Variants in KCNK13 observed in about 807,000 individuals in gnomAD.
KCNK13 encodes the protein potassium two pore domain channel subfamily K member 13.
Under a neutral mutation model 23.4 loss-of-function variants are expected in KCNK13, and 12 were observed. The ratio of observed to expected loss-of-function variants is 0.51; its 90% CI spans 0.33 to 0.83. KCNK13 has a LOEUF of 0.83. KCNK13 is among the 40% of genes least tolerant of loss of function. KCNK13 has a pLI of 0.02. For missense variants in KCNK13, 463 were observed against 556.3 expected, an observed-to-expected ratio of 0.83 and a Z score of 1.69; for synonymous variants, 231 against 229.5, an observed-to-expected ratio of 1.01 and a Z score of -0.06.
chr14:90,116,740 CTG>C lies in KCNK13; in HGVS notation c.334+54205_334+54206del, dbSNP rs150689718. ...GGTGAATGCAGCATACCCCACGGGT[CTG>C]TGTCACAACTGCTCAGGAAATCCCC... On this transcript the variant is annotated intron_variant, in intron 1 of 1. Coordinates refer to ENST00000282146, the MANE Select transcript of KCNK13 (RefSeq NM_022054.4). Among the ~76,000 whole-genome samples, 664 of 152,328 alleles carry C rather than the reference CTG, an allele frequency of 4.4e-3. 5 individuals are homozygous for C. Among genetic ancestry groups the C allele is most frequent in the African/African-American group, 0.015 (636 of 41,576 alleles).
intron 1 of KCNK13, among the ~76,000 whole-genome samples, chr14:90,083,455 T>A (rs142720990): frequency 6.6e-6 from 1 of 152,374 alleles, no homozygotes; most frequent in East Asian, 1.9e-4. Context: ...GTGCATGGTA[T>A]GAAACATGGG....
At chr14:90,084,511 G>T (rs1889250226) in intron 1 of KCNK13, among the ~76,000 whole-genome samples, 1 of 152,194 alleles carries the variant, frequency 6.6e-6, no homozygotes, top group Non-Finnish European at 1.5e-5. Flanking sequence ...CTACGCTAAT[G>T]TATTAACTCT....
At position 90,062,070 on chromosome 14, in the gene KCNK13, G is replaced by C. The variant is rs1446382078; in HGVS notation, c.-136G>C. On this transcript the variant is annotated 5_prime_UTR_variant, in exon 1 of 2. Coordinates refer to ENST00000282146, the MANE Select transcript of KCNK13 (RefSeq NM_022054.4). The surrounding 1 kb of genome is among the most constrained non-coding windows in gnomAD (Gnocchi z 4.5). The stretch of plus-strand genomic sequence containing the variant: ...AGCCTCGCGGCCTGCGGGAGAGCCC[G>C]GCGGTCATGGGCGAGCCGGCGGTGG... The C allele has an allele frequency of 7.9e-6, 4 of 508,902 alleles. No homozygotes were observed. The highest frequency in any genetic ancestry group is 1.2e-5 in the Non-Finnish European group (4 of 321,684). The allele number at this position is 508,902 out of a possible 1,614,324, so 31.5% of individuals were successfully genotyped here.
chr14:90,146,722 A>G (rs1566645681), intron 1 of KCNK13, among the ~76,000 whole-genome samples: 1 of 151,930 alleles, frequency 6.6e-6, no homozygotes, highest in Non-Finnish European at 1.5e-5. Context: ...TTTTTTTCCA[A>G]TCTGACAATC....
intron 1 of KCNK13, among the ~76,000 whole-genome samples, chr14:90,112,406 G>A (rs1020896358): frequency 6.6e-6 from 1 of 152,202 alleles, no homozygotes; most frequent in Admixed American, 6.5e-5. Flanking sequence ...ATGCCGGCCA[G>A]TAGAGCATCT....
intron 1 of KCNK13, among the ~76,000 whole-genome samples, chr14:90,131,231 CATT>C (rs1238497050): frequency 2.0e-5 from 3 of 151,630 alleles, no homozygotes; most frequent in Non-Finnish European, 4.4e-5. Context: ...TTTATTTATT[CATT>C]ATTATTATGT....
At chr14:90,084,732 T>A (rs1889252335) in intron 1 of KCNK13, among the ~76,000 whole-genome samples, 1 of 152,186 alleles carries the variant, frequency 6.6e-6, no homozygotes, top group Admixed American at 6.5e-5. Flanking sequence ...TTTCAGTCTT[T>A]CACTATTGAG....
intron 1 of KCNK13, among the ~76,000 whole-genome samples, chr14:90,126,212 T>C (rs1371086028): frequency 6.6e-6 from 1 of 152,120 alleles, no homozygotes; most frequent in Non-Finnish European, 1.5e-5. Flanking sequence ...GTATAATTTT[T>C]ATAAATTATT....
chr14:90,128,430 A>G (rs776584903), intron 1 of KCNK13, among the ~76,000 whole-genome samples: 5 of 151,988 alleles, frequency 3.3e-5, no homozygotes, highest in African/African-American at 4.8e-5. Context: ...GCTCCCTTTC[A>G]TTCCTGTCCT....
intron 1 of KCNK13, among the ~76,000 whole-genome samples, chr14:90,103,620 T>A (rs1889507293): frequency 6.6e-6 from 1 of 152,196 alleles, no homozygotes; most frequent in Non-Finnish European, 1.5e-5. Flanking sequence ...TGTAATGCAA[T>A]GGCGTGATCT....
chr14:90,116,231 C>T (rs1014597325), intron 1 of KCNK13, among the ~76,000 whole-genome samples: 4 of 152,004 alleles, frequency 2.6e-5, no homozygotes, highest in African/African-American at 7.2e-5. Context: ...CCTTTTTTCC[C>T]TTCCCAGGCA....
chr14:90,171,850 T>G (rs1386483048), intron 1 of KCNK13, among the ~76,000 whole-genome samples: 1 of 152,204 alleles, frequency 6.6e-6, no homozygotes, highest in Admixed American at 6.5e-5. Context: ...GACTTTTCCC[T>G]TTAGCTTAGT....
intron 1 of KCNK13, among the ~76,000 whole-genome samples, chr14:90,164,998 C>T (rs567392203): frequency 3.3e-5 from 5 of 152,288 alleles, no homozygotes; most frequent in Admixed American, 1.3e-4. Flanking sequence ...CTTACAGTTC[C>T]GCGTGGCTGA....
chr14:90,123,697 T>C (rs11849932), intron 1 of KCNK13, among the ~76,000 whole-genome samples: 39,326 of 152,046 alleles, frequency 0.26, 5,419 homozygotes, highest in Non-Finnish European at 0.31. Flanking sequence ...AGTGGCATGA[T>C]CATGGCTCAC....
At chr14:90,156,197 T>C (rs375592871) in intron 1 of KCNK13, among the ~76,000 whole-genome samples, 1 of 63,692 alleles carries the variant, frequency 1.6e-5, no homozygotes, top group African/African-American at 5.3e-5. Context: ...AGAGTGAGAG[T>C]CTGGCCAAAA....
At position 90,185,081 on chromosome 14, in the gene KCNK13, C is replaced by T. The variant is rs189867081; in HGVS notation, c.*78C>T. The T allele has an allele frequency of 6.4e-5, 82 of 1,286,146 alleles. No individual in the cohort carries two copies. The African/African-American group carries it at 9.7e-4, about 15-fold the overall frequency. 79.7% of individuals were successfully genotyped at this position (1,286,146 alleles called of 1,614,324 possible). ...CGCCCAGGGGACGAGCTCAGCCCTG[C>T]GCCTTGGCTCTGTTCCTTCTGGGAG... On this transcript the variant is annotated 3_prime_UTR_variant, in exon 2 of 2. Transcript: ENST00000282146.
In KCNK13 at chr14:90,116,477, G is replaced by A. The variant is rs890133615; in HGVS notation, c.334+53938G>A. On this transcript the variant is annotated intron_variant, in intron 1 of 1. Transcript: ENST00000282146. ...ACCGCATCCCTGAAAAGGAAGTTCC[G>A]TGTGCCCTGTTGGCTCATGTATATC... Among the ~76,000 whole-genome samples the A allele has an allele frequency of 2.0e-5, 3 of 152,124 alleles. No homozygotes were observed. The South Asian group carries it at 6.2e-4, about 32-fold the overall frequency.
intron 1 of KCNK13, among the ~76,000 whole-genome samples, chr14:90,136,739 G>A (rs1044684689): frequency 2.0e-5 from 3 of 152,120 alleles, no homozygotes; most frequent in Non-Finnish European, 4.4e-5. Flanking sequence ...GAAGCTCCAG[G>A]ACCCAGGGAA....
chr14:90,062,640 G>A lies in KCNK13; in HGVS notation c.334+101G>A, dbSNP rs1254534975. ...CATCCTTTCATTCATCCATCTGGGCGCCCAGCCAGACTCCACTGACATGAG... is the reference window on the plus strand; with the variant it reads ...CATCCTTTCATTCATCCATCTGGGCACCCAGCCAGACTCCACTGACATGAG... On this transcript the variant is annotated intron_variant, in intron 1 of 1. Transcript: ENST00000282146. This position sits in a 1 kb window ranked among gnomAD's most constrained non-coding sequence, Gnocchi z 4.5. 6.5e-6 allele frequency: 6 copies of A among 918,246 alleles called. No individual in the cohort carries two copies. Among genetic ancestry groups the A allele is most frequent in the Non-Finnish European group, 7.9e-6 (5 of 634,578 alleles). The allele number at this position is 918,246 out of a possible 1,614,324, so 56.9% of individuals were successfully genotyped here.
Sources: gnomAD v4.1 joint callset for allele counts (sites outside exome capture counted in the v4.1 genomes callset) on GRCh38, gnomAD v4.1.1 for gene constraint, Gnocchi (gnomAD v3.1) non-coding constraint, MANE v1.5 for transcripts, NCBI Gene and HGNC (gene_info 2026-07-23, HGNC 2026-07-21) for gene names.